CCDC60: variants seen among roughly 807,000 people sequenced by gnomAD.
CCDC60 encodes coiled-coil domain containing 60, also known as coiled-coil domain-containing protein 60.
A neutral mutation model predicts 63.5 loss-of-function variants in CCDC60; 54 were observed. The ratio of observed to expected loss-of-function variants is 0.85; its 90% CI spans 0.68 to 1.07. The LOEUF (loss-of-function observed/expected upper bound fraction) is 1.07, where lower values mean the gene tolerates loss of function less well. Ranked by LOEUF, CCDC60 falls within the 50% of genes least tolerant of loss-of-function variation. The pLI is 0.00. For synonymous variants in CCDC60, 206 were observed against 238.8 expected (o/e 0.86, Z 1.27); for missense variants, 651 against 684.3 (o/e 0.95, Z 0.54).
chr12:119,384,972 G>A (rs868642950), intron 1 of CCDC60, among the ~76,000 whole-genome samples: 15 of 152,374 alleles, frequency 9.8e-5, no homozygotes, highest in Middle Eastern at 3.4e-3. Flanking sequence ...CTTCACTGGC[G>A]AAACCATGTG....
intron 5 of CCDC60, among the ~76,000 whole-genome samples, chr12:119,495,294 G>A (rs147763775): frequency 1.5e-4 from 23 of 152,160 alleles, no homozygotes; most frequent in African/African-American, 4.3e-4. Context: ...GCCCCGCCTC[G>A]AAGAAAAGAA....
intron 1 of CCDC60, among the ~76,000 whole-genome samples, chr12:119,366,959 A>G (rs927296662): frequency 3.3e-5 from 5 of 152,028 alleles, no homozygotes; most frequent in Non-Finnish European, 7.4e-5. Flanking sequence ...CACCCTCCCG[A>G]GTAGCTGGGA....
intron 1 of CCDC60, among the ~76,000 whole-genome samples, chr12:119,345,395 A>G (rs1955580881): frequency 6.6e-6 from 1 of 152,072 alleles, no homozygotes; most frequent in African/African-American, 2.4e-5. Context: ...CCAGCTACTC[A>G]GGAGGCTGAG....
intron 2 of CCDC60, among the ~76,000 whole-genome samples, chr12:119,433,155 G>A (rs571622175): frequency 0.034 from 1,431 of 42,620 alleles, 31 homozygotes; most frequent in African/African-American, 0.095. Context: ...CAGTTCCCCC[G>A]ACAGAGAGTT....
At chr12:119,424,423 C>T (rs1196761048) in intron 1 of CCDC60, among the ~76,000 whole-genome samples, 1 of 152,190 alleles carries the variant, frequency 6.6e-6, no homozygotes, top group Non-Finnish European at 1.5e-5. Flanking sequence ...CCCACAATGC[C>T]TATGGTGGGA....
intron 11 of CCDC60, chr12:119,524,560 T>C: frequency 6.1e-6 from 3 of 491,906 alleles, no homozygotes; most frequent in Non-Finnish European, 7.9e-6. Flanking sequence ...GAGCTAACAG[T>C]CCAGTAGGGA....
At chr12:119,446,538 T>C (rs1234834081) in intron 2 of CCDC60, among the ~76,000 whole-genome samples, 3 of 151,906 alleles carry the variant, frequency 2.0e-5, no homozygotes, top group South Asian at 2.1e-4. Flanking sequence ...AATAAAAGCT[T>C]AAAGAGCTGG....
chr12:119,465,054 G>A (rs1035253747), intron 2 of CCDC60, among the ~76,000 whole-genome samples: 1 of 152,240 alleles, frequency 6.6e-6, no homozygotes, highest in Non-Finnish European at 1.5e-5. Context: ...GCTCATGCCT[G>A]TAATCCCAGC....
intron 5 of CCDC60, among the ~76,000 whole-genome samples, chr12:119,496,990 C>T (rs538320725): frequency 6.6e-6 from 1 of 152,304 alleles, no homozygotes; most frequent in South Asian, 2.1e-4. Context: ...CCTTGGCTCA[C>T]CTTTCAAATC....
intron 1 of CCDC60, among the ~76,000 whole-genome samples, chr12:119,400,317 G>T (rs1392257742): frequency 6.6e-6 from 1 of 152,218 alleles, no homozygotes; most frequent in Non-Finnish European, 1.5e-5. Flanking sequence ...CCAAAGTGCC[G>T]GGATTACAGG....
At chr12:119,478,336 T>C (rs963541460) in intron 3 of CCDC60, among the ~76,000 whole-genome samples, 2 of 147,016 alleles carry the variant, frequency 1.4e-5, no homozygotes, top group African/African-American at 5.1e-5. Context: ...ATATATATCA[T>C]ATGACTCAAG....
At chr12:119,476,154 A>C (rs1951172921) in intron 3 of CCDC60, among the ~76,000 whole-genome samples, 1 of 152,206 alleles carries the variant, frequency 6.6e-6, no homozygotes, top group Non-Finnish European at 1.5e-5. Context: ...CAGGGAAAAA[A>C]AAATCAAGCA....
rs1389842282 is a variant in CCDC60 at position 119,335,224 on chromosome 12, G to A, written c.48G>A (p.Ser16=). ...ATKKLQSSPN[S]GAVRPFYASE... The stretch of plus-strand genomic sequence containing the variant: ...AGAAGCTTCAGAGTTCCCCCAACTC[G>A]GGGGCTGTCCGGCCCTTTTATGCCT... The change falls in exon 1 of 14, where the codon TCG becomes TCA. Residue 16 remains serine, a synonymous_variant. Transcript: ENST00000327554. 1.2e-6 allele frequency: 2 copies of A among 1,604,978 alleles called. No homozygotes were observed. The highest frequency in any genetic ancestry group is 1.7e-6 in the Non-Finnish European group (2 of 1,176,240).
chr12:119,527,666 C>CTTTCCT (rs1161185946), intron 11 of CCDC60, among the ~76,000 whole-genome samples: 1 of 84,974 alleles, frequency 1.2e-5, no homozygotes. Context: ...TTCTTTCTTT[C>CTTTCCT]TTTTTTTTTT....
chr12:119,435,628 G>A (rs973545524), intron 2 of CCDC60, among the ~76,000 whole-genome samples: 10 of 152,178 alleles, frequency 6.6e-5, no homozygotes, highest in South Asian at 2.1e-4. Context: ...AATCTTCCCC[G>A]AGGCAGGCAG....
At chr12:119,483,388 G>A (rs1212108530) in intron 4 of CCDC60, among the ~76,000 whole-genome samples, 1 of 152,218 alleles carries the variant, frequency 6.6e-6, no homozygotes, top group African/African-American at 2.4e-5. Context: ...CGACTGTGTA[G>A]GGATCAATTC....
intron 1 of CCDC60, among the ~76,000 whole-genome samples, chr12:119,399,531 TC>T (rs1314225923): frequency 6.6e-6 from 1 of 152,184 alleles, no homozygotes; most frequent in Non-Finnish European, 1.5e-5. Context: ...ACAGTGCGTG[TC>T]GGGTGCAGAC....
chr12:119,531,318 A>C (rs145117657), intron 13 of CCDC60, among the ~76,000 whole-genome samples: 1 of 152,224 alleles, frequency 6.6e-6, no homozygotes, highest in African/African-American at 2.4e-5. Context: ...AGTAATAAGG[A>C]GTCCTTTATC....
intron 2 of CCDC60, among the ~76,000 whole-genome samples, chr12:119,462,349 T>C (rs1950870476): frequency 6.6e-6 from 1 of 152,166 alleles, no homozygotes; most frequent in South Asian, 2.1e-4. Context: ...TCTTCAGCCA[T>C]TAGGAATCAC....
Sources: gnomAD v4.1 joint callset for allele counts (sites outside exome capture counted in the v4.1 genomes callset) on GRCh38, gnomAD v4.1.1 for gene constraint, MANE v1.5 for transcripts, NCBI Gene and HGNC (gene_info 2026-07-23, HGNC 2026-07-21) for gene names.